Variants in WDR3 observed in about 807,000 individuals in gnomAD.
WDR3 encodes the protein WD repeat-containing protein 3.
WDR3 carries 81 observed loss-of-function variants against 123.7 expected under a neutral mutation model. The ratio of observed to expected loss-of-function variants is 0.65; its 90% confidence interval spans 0.55 to 0.79. WDR3 has a LOEUF of 0.79. Among genes scored for constraint, WDR3 ranks in the 30% least tolerant of loss-of-function variants. The probability of loss-of-function intolerance (pLI) is 0.00; values close to 1 mark genes in which losing one functional copy is unlikely to be tolerated. For synonymous variants in WDR3, 390 were observed against 388.8 expected, an observed-to-expected ratio of 1.00 and a Z score of -0.04; for missense variants, 1,027 against 1,123.2, an observed-to-expected ratio of 0.91 and a Z score of 1.22.
At chr1:117,957,954 A>T (rs1341660198) in intron 25 of WDR3, among the ~76,000 whole-genome samples, 1 of 152,382 alleles carries the variant, frequency 6.6e-6, no homozygotes, top group East Asian at 1.9e-4. Context: ...AAATATGTTC[A>T]TTAGGCTATA....
intron 12 of WDR3, among the ~76,000 whole-genome samples, chr1:117,946,529 A>AG (rs1297761389): frequency 4.6e-5 from 7 of 152,230 alleles, no homozygotes; most frequent in South Asian, 2.1e-4. Flanking sequence ...CTTGGCAGAC[A>AG]GAAGCATTCA....
chr1:117,952,604 C>T lies in WDR3; in HGVS notation c.2093C>T (p.Ser698Phe), dbSNP rs757131205. 6 of 1,613,574 alleles carry T rather than the reference C, an allele frequency of 3.7e-6. No individual in the cohort carries two copies. In the South Asian group the frequency reaches 5.5e-5, roughly 15 times the overall value. The change falls in exon 19 of 27, where the codon TCT becomes TTT. Residue 698 changes from serine (S) to phenylalanine (F), a missense_variant. Ser to Phe is a radical substitution (Grantham distance 155, BLOSUM62 -2). Coordinates refer to ENST00000349139, the MANE Select transcript of WDR3 (RefSeq NM_006784.3). Reference sequence around the variant, plus strand: ...GTTGTATCATCGTCCCATGACAAATCTCTGAGACTTTGGGAGAGAACAAGG... The same window carrying T: ...GTTGTATCATCGTCCCATGACAAATTTCTGAGACTTTGGGAGAGAACAAGG... ...DYVVSSSHDK[S>F]LRLWERTREP...
rs899497610 is a variant in WDR3 at position 117,934,386 on chromosome 1, A to G, written c.172-87A>G. On this transcript the variant is annotated intron_variant, in intron 2 of 26. Coordinates refer to ENST00000349139, the MANE Select transcript of WDR3 (RefSeq NM_006784.3). ...GTAATTTGGAATTATTGGTGCTCTT[A>G]ATTTTACTGTGCCTGAGTATTCCTA... 1.5e-5 allele frequency: 20 copies of G among 1,293,362 alleles called. No homozygotes were observed. In the African/African-American group the frequency reaches 2.4e-4, roughly 15 times the overall value. The allele number at this position is 1,293,362 out of a possible 1,614,324, so 80.1% of individuals were successfully genotyped here.
At position 117,951,383 on chromosome 1, in the gene WDR3, A is replaced by G. The variant is rs78634056; in HGVS notation, c.1803+493A>G. ...GCAATGTATATTAAAAACAATGTCT[A>G]TTCTGCAGAGTGAGACTCCGTCTCA... On this transcript the variant is annotated intron_variant, in intron 16 of 26. Coordinates refer to ENST00000349139, the MANE Select transcript of WDR3 (RefSeq NM_006784.3). Among the ~76,000 whole-genome samples the G allele has an allele frequency of 6.8e-3, 1,020 of 149,892 alleles. 9 individuals carry two copies. The highest frequency in any genetic ancestry group is 0.024 in the African/African-American group (959 of 40,744).
rs755873578 is a variant in WDR3, at chr1:117,952,946, G to C, written c.2152G>C (p.Glu718Gln). ...TTAATGTATATCTATCTCATGGCAG[G>C]AAAGAGAAGCAGAATATGAGGAGAG... ...PLILEEEREM[E>Q]REAEYEESVA... The change falls in exon 20 of 27, where the codon GAA (glutamate) becomes CAA (glutamine). Residue 718 changes from glutamate to glutamine, a missense_variant and splice_region_variant. Transcript: ENST00000349139. 7 of 1,612,846 alleles carry C rather than the reference G, an allele frequency of 4.3e-6. No homozygotes were observed. The highest frequency in any genetic ancestry group is 5.9e-6 in the Non-Finnish European group (7 of 1,179,316).
chr1:117,935,060 G>C (rs1158274482), intron 3 of WDR3, among the ~76,000 whole-genome samples: 1 of 152,188 alleles, frequency 6.6e-6, no homozygotes, highest in Non-Finnish European at 1.5e-5. Flanking sequence ...CACAAGTCAT[G>C]AGTTAGAAAA....
At chr1:117,937,701 C>T (rs952973631) in intron 4 of WDR3, among the ~76,000 whole-genome samples, 8 of 152,018 alleles carry the variant, frequency 5.3e-5, no homozygotes, top group South Asian at 4.1e-4. Flanking sequence ...GGTTTTTGAG[C>T]GGTGTTTTTT....
At chr1:117,958,331 C>A (rs1306158451) in intron 25 of WDR3, among the ~76,000 whole-genome samples, 1 of 152,178 alleles carries the variant, frequency 6.6e-6, no homozygotes, top group African/African-American at 2.4e-5. Flanking sequence ...TCATATTTAA[C>A]CATGTTACTA....
rs138062448 is a variant in WDR3, at chr1:117,957,699, TTTG to T, written c.2582+515_2582+517del. 2.4e-4 allele frequency among the ~76,000 whole-genome samples: 37 copies of T among 152,346 alleles called. 1 individual carries two copies. The highest frequency in any genetic ancestry group is 8.4e-4 in the African/African-American group (35 of 41,588). On this transcript the variant is annotated intron_variant, in intron 25 of 26. Coordinates refer to ENST00000349139, the MANE Select transcript of WDR3 (RefSeq NM_006784.3). ...AACATTATGATTTTTTTGTGATTTCTTTGTTGTTGTTGTTCATCAGCTATCATT... is the reference window on the plus strand; with the variant it reads ...AACATTATGATTTTTTTGTGATTTCTTTGTTGTTGTTCATCAGCTATCATT...
chr1:117,943,465 GGAATTGTATTCACT>G lies in WDR3; in HGVS notation c.1172_1185del (p.Leu391SerfsTer22). ...TCTTCCTGCTGCAGAACAACCTGGT[GGAATTGTATTCACT>G]GAATCCATCCTTGCCTACTCCTCAG... On this transcript the variant is annotated frameshift_variant, in exon 11 of 27. Coordinates refer to ENST00000349139, the MANE Select transcript of WDR3 (RefSeq NM_006784.3). LOFTEE classifies it high-confidence loss of function. The G allele has an allele frequency of 1.9e-6, 3 of 1,614,080 alleles. No homozygotes were observed. Among genetic ancestry groups the G allele is most frequent in the Non-Finnish European group, 2.5e-6 (3 of 1,180,022 alleles).
At chr1:117,950,935 C>T in intron 16 of WDR3, 45 bp downstream of exon 16, 2 of 1,486,530 alleles carry the variant, frequency 1.3e-6, no homozygotes, top group Non-Finnish European at 1.8e-6. Context: ...GTCTTTTTTA[C>T]AGCAGATACT....
rs1253326260 is a variant in WDR3 at position 117,959,978 on chromosome 1, G to T, written c.*531G>T. The T allele has an allele frequency of 6.6e-6, 1 of 152,176 alleles. No individual in the cohort carries two copies. Among genetic ancestry groups the T allele is most frequent in the Non-Finnish European group, 1.5e-5 (1 of 68,066 alleles). 9.4% of individuals were successfully genotyped at this position (152,176 alleles called of 1,614,324 possible). A position where few individuals can be genotyped will look rare whatever the true frequency, so the allele number is the denominator to read the frequency against. ...ACAGCGTCCTCAGACTTAACCTTCT[G>T]CAAGTTATGTCTGTATATAAGAAGA... On this transcript the variant is annotated 3_prime_UTR_variant, in exon 27 of 27. Coordinates refer to ENST00000349139, the MANE Select transcript of WDR3 (RefSeq NM_006784.3).
chr1:117,942,889 G>GTTT (rs751258995), intron 10 of WDR3, among the ~76,000 whole-genome samples: 283 of 116,716 alleles, frequency 2.4e-3, no homozygotes, highest in African/African-American at 8.3e-3. Context: ...TCTGAGCCTA[G>GTTT]TTTTTTTTTT....
intron 4 of WDR3, 60 bp downstream of exon 4, chr1:117,936,947 C>A: frequency 6.9e-7 from 1 of 1,441,130 alleles, no homozygotes; most frequent in Non-Finnish European, 9.7e-7. Context: ...TTGCTTTATT[C>A]CTTACTCATT....
chr1:117,956,717 T>G (rs560016213), intron 24 of WDR3, among the ~76,000 whole-genome samples: 6 of 152,310 alleles, frequency 3.9e-5, no homozygotes, highest in Middle Eastern at 3.4e-3. Flanking sequence ...TCAATCATCA[T>G]GTCAGGATCA....
intron 26 of WDR3, 64 bp downstream of exon 26, chr1:117,959,067 T>C (rs1652650181): frequency 1.3e-6 from 2 of 1,503,810 alleles, no homozygotes; most frequent in Admixed American, 1.7e-5. Flanking sequence ...AGAAATAGTA[T>C]AGTATGCTGT....
intron 25 of WDR3, among the ~76,000 whole-genome samples, chr1:117,958,311 A>G (rs1037300395): frequency 6.6e-6 from 1 of 152,208 alleles, no homozygotes; most frequent in African/African-American, 2.4e-5. Context: ...CAACTTGTAA[A>G]GACATAAGTT....
Position 117,961,749 on chromosome 1 carries a change from T to C in WDR3, c.*2302T>C, listed in dbSNP as rs1019840764. 1 of 152,224 alleles carries C rather than the reference T, an allele frequency of 6.6e-6. No homozygotes were observed. Among genetic ancestry groups the C allele is most frequent in the Non-Finnish European group, 1.5e-5 (1 of 68,040 alleles). 9.4% of individuals were successfully genotyped at this position (152,224 alleles called of 1,614,324 possible). On this transcript the variant is annotated 3_prime_UTR_variant, in exon 27 of 27. Transcript: ENST00000349139. ...GTAAGGGATGCAGTGGTGTTATTTG[T>C]TGGGCAGAATAAATAAGTGAATTTT...
chr1:117,959,580 G>C lies in WDR3; in HGVS notation c.*133G>C. 3.0e-6 allele frequency: 3 copies of C among 1,000,988 alleles called. No homozygotes were observed. The highest frequency in any genetic ancestry group is 1.4e-6 in the Non-Finnish European group (1 of 732,660). 62.0% of individuals were successfully genotyped at this position (1,000,988 alleles called of 1,614,324 possible). A position where few individuals can be genotyped will look rare whatever the true frequency, so the allele number is the denominator to read the frequency against. On this transcript the variant is annotated 3_prime_UTR_variant, in exon 27 of 27. Transcript: ENST00000349139. ...CGCATTGCAGATGATATCAGGATGT[G>C]GTTTCCAGCTTTGCCTGAGGGAATT... is the stretch of plus-strand genomic sequence containing the variant.
Sources: gnomAD v4.1 joint callset for allele counts (sites outside exome capture counted in the v4.1 genomes callset) on GRCh38, gnomAD v4.1.1 for gene constraint, MANE v1.5 for transcripts, NCBI Gene and HGNC (gene_info 2026-07-23, HGNC 2026-07-21) for gene names.